The following TTC7A variants were observed in gnomAD, a reference collection of about 807,000 sequenced individuals.
TTC7A encodes the protein tetratricopeptide repeat domain 7A.
TTC7A carries 110 observed loss-of-function variants against 103.7 expected under a neutral mutation model. That is an observed-to-expected ratio of 1.06 (90% CI 0.91 to 1.24). The LOEUF is 1.24. Ranked by LOEUF, TTC7A falls within the 50% of genes most tolerant of loss-of-function variation. TTC7A has a pLI of 0.00. For synonymous variants in TTC7A, 521 were observed against 467.9 expected (o/e 1.11, Z -1.47); for missense variants, 1,340 against 1,116.3 (o/e 1.20, Z -2.86).
chr2:46,939,036 C>T (rs1369138053), upstream of TTC7A, among the ~76,000 whole-genome samples: 3 of 149,912 alleles, frequency 2.0e-5, no homozygotes, highest in East Asian at 2.0e-4. Context: ...AAGTACTTTG[C>T]GGGCCAGGGT....
intron 5 of TTC7A, among the ~76,000 whole-genome samples, chr2:46,987,267 GTTTT>G (rs1675111225): frequency 6.6e-6 from 1 of 152,212 alleles, no homozygotes; most frequent in Non-Finnish European, 1.5e-5. Flanking sequence ...TTTCTGACAT[GTTTT>G]TTGGGGAGGC....
intron 5 of TTC7A, among the ~76,000 whole-genome samples, chr2:46,981,531 T>C (rs1359813676): frequency 6.6e-6 from 1 of 152,090 alleles, no homozygotes; most frequent in South Asian, 2.1e-4. Context: ...ACAGTAGGAA[T>C]CTGCAGGAGA....
At chr2:47,047,406 A>T in intron 16 of TTC7A, 1 of 1,029,690 alleles carries the variant, frequency 9.7e-7, no homozygotes, top group Non-Finnish European at 1.5e-6. Flanking sequence ...AGACCAGGGC[A>T]GAGGAGGACC....
chr2:46,995,145 C>T lies in TTC7A; in HGVS notation c.1011C>T (p.Cys337=). 6.2e-7 allele frequency: 1 copy of T among 1,614,154 alleles called. No individual in the cohort carries two copies. Reference sequence around the variant, plus strand: ...CATTGGTGTCTTTCAGCCTCTACTGCCCCAAGGACAACATCGAGGAAGCCC... The same window carrying T: ...CATTGGTGTCTTTCAGCCTCTACTGTCCCAAGGACAACATCGAGGAAGCCC... ...PHLYEGDNLY[C]PKDNIEEALL... is the part of the protein sequence containing the mutation. Residue 337 remains cysteine, a synonymous_variant, in exon 8 of 20, where the codon TGC becomes TGT. Coordinates refer to ENST00000319190, the MANE Select transcript of TTC7A (RefSeq NM_020458.4).
chr2:46,921,592 C>A (rs767794393), intron 2 of TTC7A, among the ~76,000 whole-genome samples: 1 of 152,164 alleles, frequency 6.6e-6, no homozygotes, highest in Non-Finnish European at 1.5e-5. Context: ...ATGATATGCT[C>A]ACTTTAAAGA....
intron 11 of TTC7A, 50 bp downstream of exon 11, chr2:47,011,485 G>T: frequency 2.1e-6 from 3 of 1,436,318 alleles, no homozygotes; most frequent in Non-Finnish European, 1.9e-6. Context: ...GGGGAGGGTG[G>T]CAGCAGCTGG....
At chr2:47,002,551 C>T (rs1210625524) in intron 8 of TTC7A, among the ~76,000 whole-genome samples, 2 of 151,914 alleles carry the variant, frequency 1.3e-5, no homozygotes, top group African/African-American at 4.8e-5. Flanking sequence ...TGGGGGTACA[C>T]CATGTGGCCT....
intron 15 of TTC7A, among the ~76,000 whole-genome samples, chr2:47,038,596 C>G (rs1343044187): frequency 6.6e-6 from 1 of 151,698 alleles, no homozygotes; most frequent in Non-Finnish European, 1.5e-5. Context: ...AGATAATGCC[C>G]CTTTCTATGC....
In TTC7A at chr2:47,052,551, G is replaced by A. The variant is rs77403226; in HGVS notation, c.2152+671G>A. ...GAGGAAGAGGCAGCATGGCCCCACG[G>A]ACAGCGAGTGTCTTAACACCGGCTT... is the stretch of plus-strand genomic sequence containing the variant. On this transcript the variant is annotated intron_variant, in intron 18 of 19. Transcript: ENST00000319190. 4.1e-3 allele frequency among the ~76,000 whole-genome samples: 630 copies of A among 152,346 alleles called. 6 individuals carry two copies. Among genetic ancestry groups the A allele is most frequent in the African/African-American group, 0.014 (594 of 41,574 alleles).
chr2:46,991,771 C>T lies in TTC7A; in HGVS notation c.765-1679C>T, dbSNP rs545804299. On this transcript the variant is annotated intron_variant, in intron 5 of 19. Transcript: ENST00000319190. The stretch of plus-strand genomic sequence containing the variant: ...GAAGTCTTCATTTTACAGACCTCAC[C>T]CAGACTTGATGGTCTCTAAGGGGGC... 7.2e-5 allele frequency among the ~76,000 whole-genome samples: 11 copies of T among 152,226 alleles called. No homozygotes were observed. In the South Asian group the frequency reaches 2.1e-3, roughly 29 times the overall value.
At chr2:47,033,739 G>A (rs1572974924) in intron 15 of TTC7A, among the ~76,000 whole-genome samples, 2 of 152,188 alleles carry the variant, frequency 1.3e-5, no homozygotes, top group Non-Finnish European at 2.9e-5. Context: ...ATGGACAGCC[G>A]TGTTTGAAAG....
chr2:47,029,285 C>T lies in TTC7A; in HGVS notation c.1703C>T (p.Ala568Val). Reference sequence around the variant, plus strand: ...AAGGTACGCAAGGATGATGCCCACGCCCTCCACCTGCTGGCACTGCTCTTC... The same window carrying T: ...AAGGTACGCAAGGATGATGCCCACGTCCTCCACCTGCTGGCACTGCTCTTC... The part of the protein sequence containing the change: ...ALKVRKDDAH[A>V]LHLLALLFSA... The change falls in exon 15 of 20, where the codon GCC (alanine) becomes GTC (valine). Residue 568 changes from alanine (A) to valine (V), a missense_variant. Coordinates refer to ENST00000319190, the MANE Select transcript of TTC7A (RefSeq NM_020458.4). The T allele has an allele frequency of 6.2e-7, 1 of 1,614,100 alleles. No individual in the cohort carries two copies.
chr2:46,965,909 A>G (rs1672792869), intron 3 of TTC7A, among the ~76,000 whole-genome samples: 1 of 151,656 alleles, frequency 6.6e-6, no homozygotes. Context: ...CCCTTACCTA[A>G]GAGGTTATTG....
chr2:47,010,675 G>A (rs983209661), intron 10 of TTC7A, among the ~76,000 whole-genome samples: 3 of 152,036 alleles, frequency 2.0e-5, no homozygotes, highest in African/African-American at 2.4e-5. Context: ...CATTGGCCAT[G>A]CCTCCAGAGT....
intron 2 of TTC7A, among the ~76,000 whole-genome samples, chr2:46,928,781 G>T (rs1026825736): frequency 1.3e-5 from 2 of 150,804 alleles, no homozygotes; most frequent in African/African-American, 4.9e-5. Context: ...AAAAAAAAAA[G>T]TCCCACGTTT....
chr2:47,040,076 G>A (rs1681566520), intron 15 of TTC7A, among the ~76,000 whole-genome samples: 2 of 152,204 alleles, frequency 1.3e-5, no homozygotes, highest in Non-Finnish European at 2.9e-5. Flanking sequence ...TAGGATGGTG[G>A]GTGAGGGAAC....
At chr2:46,937,412 T>G (rs900320866), upstream of TTC7A, among the ~76,000 whole-genome samples, 1 of 152,224 alleles carries the variant, frequency 6.6e-6, no homozygotes, top group Non-Finnish European at 1.5e-5. The surrounding 1 kb of genome is among the most constrained non-coding windows in gnomAD (Gnocchi z 4.0). Context: ...TGGTGGATTT[T>G]AAGCCCTGTT....
chr2:47,034,979 C>G (rs892451609), intron 15 of TTC7A, among the ~76,000 whole-genome samples: 5 of 152,246 alleles, frequency 3.3e-5, no homozygotes, highest in Admixed American at 1.3e-4. Flanking sequence ...AATGTTTGAG[C>G]TGATAACCAG....
At chr2:47,047,939 G>A (rs976613635) in intron 16 of TTC7A, among the ~76,000 whole-genome samples, 1 of 152,170 alleles carries the variant, frequency 6.6e-6, no homozygotes, top group African/African-American at 2.4e-5. Context: ...CAGGCTCCTG[G>A]TCCAGATAGC....
Sources: gnomAD v4.1 joint callset for allele counts (sites outside exome capture counted in the v4.1 genomes callset) on GRCh38, gnomAD v4.1.1 for gene constraint, Gnocchi (gnomAD v3.1) non-coding constraint, MANE v1.5 for transcripts, NCBI Gene and HGNC (gene_info 2026-07-23, HGNC 2026-07-21) for gene names.